Variants in NUCB2 observed in about 807,000 individuals in gnomAD.
The protein encoded by NUCB2 is nucleobindin 2, also known as nucleobindin-2.
Under a neutral mutation model 57.9 loss-of-function variants are expected in NUCB2, and 48 were observed. The observed-to-expected ratio is 0.83, with a 90% CI of 0.66 to 1.05. NUCB2 has a LOEUF of 1.05. Ranked by LOEUF, NUCB2 falls within the 50% of genes least tolerant of loss-of-function variation. The pLI is 0.00. For synonymous variants in NUCB2, 139 were observed against 152.1 expected, an observed-to-expected ratio of 0.91 and a Z score of 0.64; for missense variants, 442 against 476.2, an observed-to-expected ratio of 0.93 and a Z score of 0.67.
rs930590631 is a variant in NUCB2 at position 17,345,437 on chromosome 11, G to A, written n.2627-3908G>A. On this transcript the variant is annotated intron_variant and non_coding_transcript_variant, in intron 2 of 2. Transcript: ENST00000532240. ...AAATGTAACCTTTTTGGCTGGGTGC[G>A]GTGGCTCACGCCTGTAATCCCAGTA... 1.1e-4 allele frequency among the ~76,000 whole-genome samples: 16 copies of A among 152,216 alleles called. No individual in the cohort carries two copies. The East Asian group carries it at 1.4e-3, about 13-fold the overall frequency.
rs1384870216 is a variant in NUCB2, at chr11:17,348,326, T to G, written n.2627-1019T>G. ...TTTTTTGTTTGTTTTTGTGTTTTTT[T>G]TTTTTTTTTTTTTTTTTTTTTTTTT... is the stretch of plus-strand genomic sequence containing the variant. On this transcript the variant is annotated intron_variant and non_coding_transcript_variant, in intron 2 of 2. Transcript: ENST00000532240. Among the ~76,000 whole-genome samples, 323 of 61,140 alleles carry G rather than the reference T, an allele frequency of 5.3e-3. 1 individual carries two copies. Among genetic ancestry groups the G allele is most frequent in the South Asian group, 0.02 (32 of 1,582 alleles). 40.1% of individuals were successfully genotyped at this position (61,140 alleles called of 152,430 possible).
intron 5 of NUCB2, among the ~76,000 whole-genome samples, chr11:17,304,037 A>G (rs1339620363): frequency 2.6e-5 from 4 of 152,114 alleles, no homozygotes. Flanking sequence ...GCTATATCCA[A>G]CTCAGTTACA....
chr11:17,296,005 A>C, intron 3 of NUCB2, 99 bp from the exon 4 acceptor site: 1 of 588,314 alleles, frequency 1.7e-6, no homozygotes, highest in Non-Finnish European at 2.9e-6. Flanking sequence ...AATATGTCTT[A>C]ATGCCATTTT....
intron 11 of NUCB2, among the ~76,000 whole-genome samples, chr11:17,326,562 G>A (rs1214406312): frequency 6.6e-6 from 1 of 151,788 alleles, no homozygotes; most frequent in Non-Finnish European, 1.5e-5. Context: ...CAAGTGATCT[G>A]CCTACCTCGG....
chr11:17,302,173 A>C (rs1428039868), intron 5 of NUCB2, among the ~76,000 whole-genome samples: 1 of 152,162 alleles, frequency 6.6e-6, no homozygotes, highest in Non-Finnish European at 1.5e-5. Context: ...GATTACAGGC[A>C]TGAGCTGGCG....
intron 4 of NUCB2, among the ~76,000 whole-genome samples, chr11:17,300,342 A>G (rs979841422): frequency 1.3e-5 from 2 of 152,164 alleles, no homozygotes; most frequent in Admixed American, 6.5e-5. Context: ...ATATACCCAC[A>G]GAGTCGTGAA....
downstream of NUCB2, chr11:17,333,160 C>T (rs2139515780): frequency 6.6e-6 from 1 of 152,276 alleles, no homozygotes; most frequent in Non-Finnish European, 1.5e-5. Context: ...ATCAGGCAAC[C>T]CCTGATTCAC....
chr11:17,339,237 C>G (rs553774333), intron 2 of NUCB2, among the ~76,000 whole-genome samples: 163 of 149,678 alleles, frequency 1.1e-3, no homozygotes, highest in African/African-American at 3.8e-3. Flanking sequence ...ATCCACCTGC[C>G]TCAGCCTCCC....
chr11:17,298,725 G>T (rs1464230739), intron 4 of NUCB2, among the ~76,000 whole-genome samples: 1 of 150,928 alleles, frequency 6.6e-6, no homozygotes, highest in African/African-American at 2.4e-5. Context: ...TTGGGACAAG[G>T]TCTCACTCTG....
chr11:17,306,447 A>C (rs905274524), intron 5 of NUCB2, among the ~76,000 whole-genome samples: 2 of 152,234 alleles, frequency 1.3e-5, no homozygotes, highest in Non-Finnish European at 2.9e-5. Flanking sequence ...GATATCAATG[A>C]GAAGTAAATT....
intron 2 of NUCB2, among the ~76,000 whole-genome samples, chr11:17,348,071 G>A (rs10430892): frequency 5.3e-5 from 8 of 151,924 alleles, no homozygotes; most frequent in South Asian, 2.1e-4. Flanking sequence ...ACAGTTCTTC[G>A]TGGGTTGGAC....
chr11:17,285,210 A>G (rs1002368229), intron 2 of NUCB2, among the ~76,000 whole-genome samples: 6 of 151,256 alleles, frequency 4.0e-5, no homozygotes, highest in Middle Eastern at 3.4e-3. Flanking sequence ...GGCAGATCAC[A>G]AGGTCAGGAG....
intron 11 of NUCB2, among the ~76,000 whole-genome samples, chr11:17,322,714 G>A (rs1204870160): frequency 6.6e-6 from 1 of 152,062 alleles, no homozygotes; most frequent in Non-Finnish European, 1.5e-5. Context: ...TTCAATCCTT[G>A]AACATAGAAT....
chr11:17,334,362 G>C (rs1401830453), downstream of NUCB2: 2 of 152,284 alleles, frequency 1.3e-5, no homozygotes, highest in Non-Finnish European at 2.9e-5. Flanking sequence ...GAAGCTGCCT[G>C]CTGAACAGTT....
chr11:17,336,679 G>A (rs575541753), downstream of NUCB2, among the ~76,000 whole-genome samples: 58 of 139,126 alleles, frequency 4.2e-4, no homozygotes, highest in Admixed American at 6.2e-4. Context: ...GCGTGAACCC[G>A]GGAGGCGGAG....
intron 2 of NUCB2, among the ~76,000 whole-genome samples, chr11:17,288,672 A>T (rs1473605011): frequency 6.7e-6 from 1 of 148,958 alleles, no homozygotes; most frequent in Non-Finnish European, 1.5e-5. Flanking sequence ...CTCCTGCCTC[A>T]GCCTCCCGGG....
intron 1 of NUCB2, among the ~76,000 whole-genome samples, chr11:17,280,216 A>G (rs980535483): frequency 1.3e-5 from 2 of 152,218 alleles, no homozygotes; most frequent in Non-Finnish European, 2.9e-5. Flanking sequence ...TCATAAGCCT[A>G]TAATCTAGGA....
intron 4 of NUCB2, among the ~76,000 whole-genome samples, chr11:17,300,573 G>A (rs551278387): frequency 1.2e-4 from 19 of 152,194 alleles, no homozygotes; most frequent in Non-Finnish European, 2.1e-4. Context: ...TGTTTTACAG[G>A]TTCATTCATG....
chr11:17,288,975 T>TTTTTA (rs1944467142), intron 2 of NUCB2, among the ~76,000 whole-genome samples: 1 of 138,762 alleles, frequency 7.2e-6, no homozygotes, highest in Non-Finnish European at 1.6e-5. Context: ...TTTTTTTTTT[T>TTTTTA]GAGATGGAGT....
Sources: allele counts gnomAD v4.1 joint callset (sites outside exome capture counted in the v4.1 genomes callset), GRCh38; gene constraint gnomAD v4.1.1; transcripts MANE v1.5; gene names NCBI Gene and HGNC (gene_info 2026-07-23, HGNC 2026-07-21).